Variants in RBFOX1 observed in about 807,000 individuals in gnomAD.
RBFOX1 encodes the protein RNA binding fox-1 homolog 1, also known as RNA binding protein fox-1 homolog 1.
A neutral mutation model predicts 57.7 loss-of-function variants in RBFOX1; 8 were observed. The ratio of observed to expected loss-of-function variants is 0.14; its 90% CI spans 0.08 to 0.25. RBFOX1 has a LOEUF of 0.25. Ranked by LOEUF, RBFOX1 falls within the 10% of genes least tolerant of loss-of-function variation. The pLI is 1.00. For missense variants in RBFOX1, 611 were observed against 548.5 expected (o/e 1.11, Z -1.14); for synonymous variants, 326 against 222.4 (o/e 1.47, Z -4.15).
At chr16:7,298,508 T>A (rs1046859869) in intron 4 of RBFOX1, among the ~76,000 whole-genome samples, 2 of 152,078 alleles carry the variant, frequency 1.3e-5, no homozygotes, top group African/African-American at 2.4e-5. Context: ...GCCAGTCTCA[T>A]CTTGAACTCC....
intron 2 of RBFOX1, among the ~76,000 whole-genome samples, chr16:5,565,629 T>TACAC (rs1476897087): frequency 1.9e-4 from 12 of 64,710 alleles, no homozygotes; most frequent in Non-Finnish European, 2.4e-4. Flanking sequence ...CTGCCTTACA[T>TACAC]AAATAAATAA....
chr16:6,575,667 G>A (rs765823094), intron 2 of RBFOX1, among the ~76,000 whole-genome samples: 4 of 152,070 alleles, frequency 2.6e-5, no homozygotes, highest in Admixed American at 6.6e-5. Context: ...AGACCAGACT[G>A]ATCAATGTGG....
At chr16:6,104,689 T>G (rs914997435) in intron 1 of RBFOX1, among the ~76,000 whole-genome samples, 3 of 152,122 alleles carry the variant, frequency 2.0e-5, no homozygotes, top group African/African-American at 7.2e-5. Flanking sequence ...TCAACAAAAC[T>G]TGCTATATTC....
intron 3 of RBFOX1, among the ~76,000 whole-genome samples, chr16:6,870,713 T>C (rs1021012410): frequency 6.6e-6 from 1 of 152,208 alleles, no homozygotes; most frequent in African/African-American, 2.4e-5. Context: ...GGTTCAGTAA[T>C]GTTGAATAAT....
intron 3 of RBFOX1, among the ~76,000 whole-genome samples, chr16:5,832,669 A>G (rs1249162037): frequency 2.0e-5 from 3 of 152,212 alleles, no homozygotes; most frequent in East Asian, 1.9e-4. Flanking sequence ...TTGTGGGTCA[A>G]TTAGCCTAAT....
At chr16:7,370,390 G>C (rs569703777) in intron 4 of RBFOX1, among the ~76,000 whole-genome samples, 1 of 152,336 alleles carries the variant, frequency 6.6e-6, no homozygotes, top group Non-Finnish European at 1.5e-5. Context: ...TGTGATGTGT[G>C]TGACTCCTGT....
At chr16:6,116,217 A>T (rs1468141184) in intron 1 of RBFOX1, among the ~76,000 whole-genome samples, 1 of 151,822 alleles carries the variant, frequency 6.6e-6, no homozygotes, top group Non-Finnish European at 1.5e-5. Flanking sequence ...GGAGTTGAAC[A>T]ATGAGAACAC....
chr16:5,892,243 GA>G lies in RBFOX1; in HGVS notation c.351+24910del, dbSNP rs112520163. 4.6e-5 allele frequency among the ~76,000 whole-genome samples: 7 copies of G among 152,314 alleles called. 1 individual carries two copies. Among genetic ancestry groups the G allele is most frequent in the African/African-American group, 1.7e-4 (7 of 41,574 alleles). On this transcript the variant is annotated intron_variant, in intron 4 of 19. Transcript: ENST00000641259. Reference sequence around the variant, plus strand: ...GAATGGCTGAGAAAGTGAGGTTTGAGAAGAGACTTGGCGGGGTTGAGGGGAG... The same window carrying G: ...GAATGGCTGAGAAAGTGAGGTTTGAGAGAGACTTGGCGGGGTTGAGGGGAG...
chr16:7,675,547 T>A (rs2073024010), intron 13 of RBFOX1, among the ~76,000 whole-genome samples: 1 of 152,222 alleles, frequency 6.6e-6, no homozygotes, highest in Non-Finnish European at 1.5e-5. Flanking sequence ...AATGATAGCA[T>A]ATTTACTCTG....
intron 2 of RBFOX1, among the ~76,000 whole-genome samples, chr16:5,556,182 G>A (rs895334999): frequency 4.6e-5 from 7 of 152,184 alleles, no homozygotes; most frequent in Admixed American, 6.5e-5. Context: ...TCCCTCTTGC[G>A]GTTACATACA....
intron 4 of RBFOX1, among the ~76,000 whole-genome samples, chr16:7,138,679 A>C (rs754982034): frequency 6.6e-6 from 1 of 152,158 alleles, no homozygotes; most frequent in Non-Finnish European, 1.5e-5. Context: ...GGACCTGCCT[A>C]ATCATCTACC....
intron 4 of RBFOX1, among the ~76,000 whole-genome samples, chr16:5,900,042 C>T (rs1392587590): frequency 6.6e-6 from 1 of 152,232 alleles, no homozygotes; most frequent in East Asian, 1.9e-4. Flanking sequence ...TGTGCCACTG[C>T]ACTCCAGCCT....
At position 6,669,914 on chromosome 16, in the gene RBFOX1, T is replaced by C. The variant is rs1023467646; in HGVS notation, c.-16+15264T>C. ...TCCTAAGTAACCGACCCATGGTATA[T>C]GGAGAATCCAGTCAAAGGAGTAACT... is the stretch of plus-strand genomic sequence containing the variant. On this transcript the variant is annotated intron_variant, in intron 3 of 15. Transcript: ENST00000550418. Among the ~76,000 whole-genome samples, 3 of 152,154 alleles carry C rather than the reference T, an allele frequency of 2.0e-5. No homozygotes were observed. In the East Asian group the frequency reaches 5.8e-4, roughly 29 times the overall value.
At position 5,964,595 on chromosome 16, in the gene RBFOX1, ATATC is replaced by A. The variant is rs560513229; in HGVS notation, c.351+97264_351+97267del. Among the ~76,000 whole-genome samples the A allele has an allele frequency of 1.0e-3, 155 of 152,230 alleles. 1 individual carries two copies. The South Asian group carries it at 0.011, about 10-fold the overall frequency. Reference sequence around the variant, plus strand: ...TATCTATGTGTGTATATATGCATCTATATCTATGTATATATATATCTCACATATA... The same window carrying A: ...TATCTATGTGTGTATATATGCATCTATATGTATATATATATCTCACATATA... On this transcript the variant is annotated intron_variant, in intron 4 of 19. Transcript: ENST00000641259.
intron 3 of RBFOX1, among the ~76,000 whole-genome samples, chr16:5,710,602 G>C (rs528163923): frequency 6.6e-6 from 1 of 152,332 alleles, no homozygotes; most frequent in South Asian, 2.1e-4. Context: ...TCCTGTGATT[G>C]TTGTGGTTGG....
intron 4 of RBFOX1, among the ~76,000 whole-genome samples, chr16:7,067,906 T>A (rs1008555127): frequency 6.6e-6 from 1 of 151,926 alleles, no homozygotes; most frequent in African/African-American, 2.4e-5. Flanking sequence ...TGGTGTATTT[T>A]ACTGGGTGTG....
intron 4 of RBFOX1, among the ~76,000 whole-genome samples, chr16:6,003,173 G>A (rs1165728739): frequency 2.6e-5 from 4 of 152,018 alleles, no homozygotes; most frequent in Non-Finnish European, 4.4e-5. Flanking sequence ...CAGGTACTCC[G>A]GAAGCTGACG....
chr16:5,305,928 C>T (rs539307146), intron 1 of RBFOX1, among the ~76,000 whole-genome samples: 42 of 152,152 alleles, frequency 2.8e-4, no homozygotes, highest in Non-Finnish European at 5.1e-4. Flanking sequence ...GTGTGGCACA[C>T]GTCTGTAGTC....
intron 1 of RBFOX1, among the ~76,000 whole-genome samples, chr16:6,063,121 G>A (rs560293064): frequency 1.3e-5 from 2 of 152,088 alleles, no homozygotes. Flanking sequence ...AGCAAACAAC[G>A]GGACACCACC....
Sources: allele counts gnomAD v4.1 joint callset (sites outside exome capture counted in the v4.1 genomes callset), GRCh38; gene constraint gnomAD v4.1.1; transcripts MANE v1.5; gene names NCBI Gene and HGNC (gene_info 2026-07-23, HGNC 2026-07-21).